Variants in RDH11 observed in about 807,000 individuals in gnomAD.
RDH11 encodes HCV core-binding protein HCBP12.
A neutral mutation model predicts 33.4 loss-of-function variants in RDH11; 19 were observed. The observed-to-expected ratio is 0.57, with a 90% confidence interval of 0.40 to 0.83. The LOEUF (loss-of-function observed/expected upper bound fraction) is 0.83, where lower values mean the gene tolerates loss of function less well. RDH11 is among the 40% of genes least tolerant of loss of function. RDH11 has a pLI of 0.00. For missense variants in RDH11, 353 were observed against 389.0 expected (o/e 0.91, Z 0.78); for synonymous variants, 154 against 155.3 (o/e 0.99, Z 0.06).
chr14:67,685,203 G>A lies in RDH11; in HGVS notation c.666C>T (p.Gly222=), dbSNP rs752447012. The A allele has an allele frequency of 1.2e-6, 2 of 1,609,874 alleles. No homozygotes were observed. The highest frequency in any genetic ancestry group is 1.7e-6 in the Non-Finnish European group (2 of 1,177,788). ...GTACAGAATACGTCGTAACGCCAGA[G>A]CCTGGTTGGGGGTGGCATGAAGAGA... The part of the protein sequence containing the change: ...FTQELARRLK[G]SGVTTYSVHP... The change falls in exon 6 of 7, where the codon GGC becomes GGT. Residue 222 remains glycine (G), a splice_region_variant and synonymous_variant. Transcript: ENST00000381346.
At position 67,678,164 on chromosome 14, in the gene RDH11, A is replaced by T. The variant is rs952227862; in HGVS notation, c.*157T>A. 3.5e-6 allele frequency: 2 copies of T among 578,954 alleles called. No individual in the cohort carries two copies. Among genetic ancestry groups the T allele is most frequent in the Non-Finnish European group, 6.2e-6 (2 of 320,496 alleles). The allele number at this position is 578,954 out of a possible 1,614,324, so 35.9% of individuals were successfully genotyped here. ...TGACAGACATTTAGACGAATCTGGC[A>T]GTACACTGAGTTTTAACTGGACACC... is the stretch of plus-strand genomic sequence containing the variant. On this transcript the variant is annotated 3_prime_UTR_variant, in exon 7 of 7. Transcript: ENST00000381346.
chr14:67,692,932 G>C lies in RDH11; in HGVS notation c.193+2C>G. 1 of 1,590,024 alleles carries C rather than the reference G, an allele frequency of 6.3e-7. No homozygotes were observed. Among genetic ancestry groups the C allele is most frequent in the Non-Finnish European group, 8.6e-7 (1 of 1,158,736 alleles). On this transcript the variant is annotated splice_donor_variant, in intron 2 of 6. Coordinates refer to ENST00000381346, the MANE Select transcript of RDH11 (RefSeq NM_016026.4). LOFTEE classifies it high-confidence loss of function. ...GAGGGAATTGAAAGGAGGTGAACTTGCCTCTCTGAGCCAGCTCTTTGGCTG... is the reference window on the plus strand; with the variant it reads ...GAGGGAATTGAAAGGAGGTGAACTTCCCTCTCTGAGCCAGCTCTTTGGCTG...
chr14:67,692,877 T>A, intron 2 of RDH11, 57 bp downstream of exon 2: 1 of 1,198,764 alleles, frequency 8.3e-7, no homozygotes. Flanking sequence ...TGAATCATCA[T>A]TACTGTGAGG....
At chr14:67,692,738 A>C in intron 2 of RDH11, 145 bp from the exon 3 acceptor site, 2 of 973,978 alleles carry the variant, frequency 2.1e-6, no homozygotes, top group Non-Finnish European at 3.0e-6. Flanking sequence ...CAAATAGGTA[A>C]AGAAAAATAA....
chr14:67,676,906 A>C lies in RDH11; in HGVS notation c.*1415T>G, dbSNP rs2037546848. ...TGTCATTGACAGTTCAATATAAATTAAGTAAAACATTAATTCATTTATTCT... is the reference window on the plus strand; with the variant it reads ...TGTCATTGACAGTTCAATATAAATTCAGTAAAACATTAATTCATTTATTCT... On this transcript the variant is annotated 3_prime_UTR_variant, in exon 7 of 7. Transcript: ENST00000381346. 1 of 152,270 alleles carries C rather than the reference A, an allele frequency of 6.6e-6. No individual in the cohort carries two copies. The highest frequency in any genetic ancestry group is 6.5e-5 in the Admixed American group (1 of 15,288). The allele number at this position is 152,270 out of a possible 1,614,324, so 9.4% of individuals were successfully genotyped here. A position where few individuals can be genotyped will look rare whatever the true frequency, so the allele number is the denominator to read the frequency against.
chr14:67,678,341 G>A lies in RDH11; in HGVS notation c.937C>T (p.Leu313=). Residue 313 remains leucine (L), a synonymous_variant, in exon 7 of 7, where the codon CTG becomes TTG. Transcript: ENST00000381346. ...RRLWDVSCDL[L]GLPID is the part of the protein sequence containing the mutation. ...GCCTGTTAGTCTATTGGGAGGCCCA[G>A]CAGGTCACAACTGACGTCCCACAGC... 6.2e-7 allele frequency: 1 copy of A among 1,613,172 alleles called. No homozygotes were observed. The highest frequency in any genetic ancestry group is 2.2e-5 in the East Asian group (1 of 44,870).
At chr14:67,683,817 C>A (rs1019757163) in intron 6 of RDH11, among the ~76,000 whole-genome samples, 3 of 152,206 alleles carry the variant, frequency 2.0e-5, no homozygotes, top group Non-Finnish European at 2.9e-5. Context: ...CCTCTCCCTA[C>A]TAATATTTTA....
chr14:67,682,526 A>C (rs2037627826), intron 6 of RDH11, among the ~76,000 whole-genome samples: 1 of 152,232 alleles, frequency 6.6e-6, no homozygotes, highest in African/African-American at 2.4e-5. Context: ...ATTAGTAGGA[A>C]AATGAAATGA....
Position 67,691,138 on chromosome 14 carries a change from A to T in RDH11, c.454+2T>A, listed in dbSNP as rs1364619920. The T allele has an allele frequency of 4.4e-6, 7 of 1,606,860 alleles. No homozygotes were observed. The highest frequency in any genetic ancestry group is 6.0e-6 in the Non-Finnish European group (7 of 1,173,402). On this transcript the variant is annotated splice_donor_variant, in intron 4 of 6. Coordinates refer to ENST00000381346, the MANE Select transcript of RDH11 (RefSeq NM_016026.4). LOFTEE classifies it high-confidence loss of function. Reference sequence around the variant, plus strand: ...GCTTTGTGATAAGGCCAGATTTCTTACCCAAGTGGTTGACTCCTATGTGCA... The same window carrying T: ...GCTTTGTGATAAGGCCAGATTTCTTTCCCAAGTGGTTGACTCCTATGTGCA...
intron 5 of RDH11, among the ~76,000 whole-genome samples, chr14:67,685,521 C>T (rs1272009174): frequency 6.6e-6 from 1 of 152,074 alleles, no homozygotes; most frequent in Non-Finnish European, 1.5e-5. Context: ...TGGGGTCTCC[C>T]TATGTTGACC....
In RDH11 at chr14:67,690,976, C is replaced by T; in HGVS notation, c.454+164G>A. ...AAAGCGGGCAGAACCTGGAGCAGCCCTCAGGTATTCCTCAGCTATCAGGTA... is the reference window on the plus strand; with the variant it reads ...AAAGCGGGCAGAACCTGGAGCAGCCTTCAGGTATTCCTCAGCTATCAGGTA... On this transcript the variant is annotated intron_variant, in intron 4 of 6. Coordinates refer to ENST00000381346, the MANE Select transcript of RDH11 (RefSeq NM_016026.4). 3 of 636,430 alleles carry T rather than the reference C, an allele frequency of 4.7e-6. 1 individual carries two copies. Among genetic ancestry groups the T allele is most frequent in the Non-Finnish European group, 8.5e-6 (3 of 354,804 alleles). The allele number at this position is 636,430 out of a possible 1,614,324, so 39.4% of individuals were successfully genotyped here. A position where few individuals can be genotyped will look rare whatever the true frequency, so the allele number is the denominator to read the frequency against.
intron 6 of RDH11, among the ~76,000 whole-genome samples, chr14:67,684,339 T>G (rs1467301015): frequency 1.3e-5 from 2 of 152,152 alleles, no homozygotes; most frequent in African/African-American, 2.4e-5. Context: ...TGCCTGGGAT[T>G]TGCTTCAAAA....
Position 67,685,046 on chromosome 14 carries a change from C to A in RDH11, c.823G>T (p.Gly275Cys). The A allele has an allele frequency of 6.2e-7, 1 of 1,612,144 alleles. No homozygotes were observed. The highest frequency in any genetic ancestry group is 8.5e-7 in the Non-Finnish European group (1 of 1,179,420). The change falls in exon 6 of 7, where the codon GGT (glycine) becomes TGT (cysteine). Residue 275 changes from glycine to cysteine, a missense_variant. Gly to Cys is a radical substitution (Grantham distance 159). Coordinates refer to ENST00000381346, the MANE Select transcript of RDH11 (RefSeq NM_016026.4). ...QTSLHCALTE[G>C]LEILSGNHFS... is the part of the protein sequence containing the mutation. ...TGATTCCCACTTAGAATCTCAAGAC[C>A]TTCTGTTAAGGCACAGTGCAGGCTG... is the stretch of plus-strand genomic sequence containing the variant.
At position 67,678,309 on chromosome 14, in the gene RDH11, T is replaced by C; in HGVS notation, c.*12A>G. On this transcript the variant is annotated 3_prime_UTR_variant, in exon 7 of 7. Coordinates refer to ENST00000381346, the MANE Select transcript of RDH11 (RefSeq NM_016026.4). The stretch of plus-strand genomic sequence containing the variant: ...GCTGCAGTCTTCTCTTGGGTCCAAC[T>C]GGCACTGCCTGTTAGTCTATTGGGA... 6.5e-7 allele frequency: 1 copy of C among 1,544,882 alleles called. No individual in the cohort carries two copies. The highest frequency in any genetic ancestry group is 9.0e-7 in the Non-Finnish European group (1 of 1,116,964).
chr14:67,678,343 A>T lies in RDH11; in HGVS notation c.935T>A (p.Leu312Gln). ...ARRLWDVSCD[L>Q]LGLPID Reference sequence around the variant, plus strand: ...CTGTTAGTCTATTGGGAGGCCCAGCAGGTCACAACTGACGTCCCACAGCCG... The same window carrying T: ...CTGTTAGTCTATTGGGAGGCCCAGCTGGTCACAACTGACGTCCCACAGCCG... Residue 312 changes from leucine to glutamine, a missense_variant, in exon 7 of 7, where the codon CTG (leucine) becomes CAG (glutamine). Physicochemically the swap from Leu to Gln is moderately radical, Grantham distance 113. Coordinates refer to ENST00000381346, the MANE Select transcript of RDH11 (RefSeq NM_016026.4). 1 of 1,613,698 alleles carries T rather than the reference A, an allele frequency of 6.2e-7. No individual in the cohort carries two copies. Among genetic ancestry groups the T allele is most frequent in the Non-Finnish European group, 8.5e-7 (1 of 1,179,596 alleles).
intron 4 of RDH11, chr14:67,690,798 CAT>C: frequency 2.7e-6 from 1 of 369,592 alleles, no homozygotes; most frequent in East Asian, 5.8e-5. Context: ...GCCTGGGCAA[CAT>C]AGCAAGACCC....
chr14:67,693,200 G>C (rs188598027), intron 1 of RDH11, 148 bp from the exon 2 acceptor site: 1 of 532,770 alleles, frequency 1.9e-6, no homozygotes, highest in African/African-American at 1.9e-5. Context: ...TTTAAGGAAA[G>C]TTGGAGGAAA....
At chr14:67,683,812 C>T (rs752865260) in intron 6 of RDH11, among the ~76,000 whole-genome samples, 1 of 152,218 alleles carries the variant, frequency 6.6e-6, no homozygotes, top group Non-Finnish European at 1.5e-5. Context: ...TCCCTCCTCT[C>T]CCTACTAATA....
rs777409225 is a variant in RDH11, at chr14:67,685,207, G to A, written c.665-3C>T. Reference sequence around the variant, plus strand: ...AGAATACGTCGTAACGCCAGAGCCTGGTTGGGGGTGGCATGAAGAGAGGGT... The same window carrying A: ...AGAATACGTCGTAACGCCAGAGCCTAGTTGGGGGTGGCATGAAGAGAGGGT... On this transcript the variant is annotated splice_region_variant and splice_polypyrimidine_tract_variant and intron_variant, in intron 5 of 6. Transcript: ENST00000381346. 5.0e-6 allele frequency: 8 copies of A among 1,608,356 alleles called. No individual in the cohort carries two copies. The highest frequency in any genetic ancestry group is 5.9e-6 in the Non-Finnish European group (7 of 1,176,836).
Sources: gnomAD v4.1 joint callset for allele counts (sites outside exome capture counted in the v4.1 genomes callset) on GRCh38, gnomAD v4.1.1 for gene constraint, MANE v1.5 for transcripts, NCBI Gene and HGNC (gene_info 2026-07-23, HGNC 2026-07-21) for gene names.